Variants in SMYD3 observed in about 807,000 individuals in gnomAD.
SMYD3 encodes SET and MYND domain containing 3.
In SMYD3, 36 loss-of-function variants were observed where a neutral mutation model predicts 57.7. That is an observed-to-expected ratio of 0.62 (90% confidence interval 0.48 to 0.82). SMYD3 has a LOEUF of 0.82. Among genes scored for constraint, SMYD3 ranks in the 40% least tolerant of loss-of-function variants. SMYD3 has a pLI of 0.00. For synonymous variants in SMYD3, 211 were observed against 195.0 expected, an observed-to-expected ratio of 1.08 and a Z score of -0.68; for missense variants, 515 against 538.8, an observed-to-expected ratio of 0.96 and a Z score of 0.44.
intron 5 of SMYD3, among the ~76,000 whole-genome samples, chr1:246,141,294 A>G (rs974849363): frequency 1.3e-5 from 2 of 152,198 alleles, no homozygotes; most frequent in Non-Finnish European, 2.9e-5. Flanking sequence ...AGAACTGGAA[A>G]CTCTGCAAAA....
chr1:246,424,838 T>A (rs1449521541), intron 1 of SMYD3, among the ~76,000 whole-genome samples: 2 of 152,262 alleles, frequency 1.3e-5, no homozygotes, highest in Non-Finnish European at 2.9e-5. Context: ...GGAACCATTA[T>A]GTTTATCTTA....
chr1:245,997,727 C>T (rs1002384682), intron 5 of SMYD3, among the ~76,000 whole-genome samples: 1 of 152,160 alleles, frequency 6.6e-6, no homozygotes, highest in African/African-American at 2.4e-5. Context: ...CCTCCACCAC[C>T]ACCAGGGAAA....
At chr1:246,253,279 A>G (rs936810271) in intron 5 of SMYD3, among the ~76,000 whole-genome samples, 1 of 151,954 alleles carries the variant, frequency 6.6e-6, no homozygotes, top group Non-Finnish European at 1.5e-5. Flanking sequence ...CCTCCCTCCA[A>G]CCTCGAGCAG....
At chr1:246,462,853 A>C (rs1014619778) in intron 1 of SMYD3, among the ~76,000 whole-genome samples, 1 of 152,202 alleles carries the variant, frequency 6.6e-6, no homozygotes, top group Non-Finnish European at 1.5e-5. Flanking sequence ...CAAAGCAACA[A>C]AATACATTTT....
chr1:246,373,157 G>T (rs769282616), intron 1 of SMYD3, among the ~76,000 whole-genome samples: 5 of 151,790 alleles, frequency 3.3e-5, no homozygotes, highest in Admixed American at 6.6e-5. Context: ...TTCTTTAAAT[G>T]ATACGAATTG....
chr1:246,178,112 G>A (rs1254181360), intron 5 of SMYD3, among the ~76,000 whole-genome samples: 3 of 152,188 alleles, frequency 2.0e-5, no homozygotes, highest in Admixed American at 6.5e-5. Flanking sequence ...CTTCCAGAGT[G>A]TAGCAACAGT....
chr1:245,991,699 C>T (rs185115662), intron 5 of SMYD3, among the ~76,000 whole-genome samples: 332 of 152,328 alleles, frequency 2.2e-3, no homozygotes, highest in Admixed American at 8.2e-3. Context: ...CCAAGTGACC[C>T]GAGAGAGAGA....
chr1:246,106,164 A>C (rs1243815958), intron 5 of SMYD3, among the ~76,000 whole-genome samples: 1 of 152,124 alleles, frequency 6.6e-6, no homozygotes, highest in Non-Finnish European at 1.5e-5. Flanking sequence ...AAAATTAATA[A>C]ACCTCGGATG....
At chr1:245,817,137 A>C (rs1410091617) in intron 10 of SMYD3, among the ~76,000 whole-genome samples, 1 of 150,846 alleles carries the variant, frequency 6.6e-6, no homozygotes. Flanking sequence ...CTGCAGACTT[A>C]AGTGTCCCTG....
At chr1:245,918,940 T>G (rs1205830218) in intron 7 of SMYD3, among the ~76,000 whole-genome samples, 1 of 152,156 alleles carries the variant, frequency 6.6e-6, no homozygotes, top group Non-Finnish European at 1.5e-5. Flanking sequence ...AAAAATGTGC[T>G]TGACTAACCC....
intron 1 of SMYD3, among the ~76,000 whole-genome samples, chr1:246,421,546 C>T (rs528861972): frequency 3.3e-5 from 5 of 151,656 alleles, no homozygotes; most frequent in African/African-American, 1.2e-4. Context: ...GTCACAGAGC[C>T]CCCAGGTCTA....
At chr1:246,443,629 C>T (rs1435767709) in intron 1 of SMYD3, among the ~76,000 whole-genome samples, 3 of 152,154 alleles carry the variant, frequency 2.0e-5, no homozygotes, top group Admixed American at 6.5e-5. Flanking sequence ...GGAAGATGGG[C>T]ACAGGAACCT....
At chr1:246,217,652 T>G (rs1393748853) in intron 5 of SMYD3, among the ~76,000 whole-genome samples, 1 of 152,142 alleles carries the variant, frequency 6.6e-6, no homozygotes, top group East Asian at 1.9e-4. Flanking sequence ...GTAAATATGT[T>G]TAAGATGTTT....
chr1:246,101,050 A>G (rs2060999465), intron 5 of SMYD3, among the ~76,000 whole-genome samples: 1 of 128,452 alleles, frequency 7.8e-6, no homozygotes, highest in African/African-American at 2.9e-5. Context: ...CACTAGTAAT[A>G]TGTATTTTTA....
intron 10 of SMYD3, among the ~76,000 whole-genome samples, chr1:245,792,735 C>G (rs1349569899): frequency 2.0e-5 from 3 of 152,070 alleles, no homozygotes; most frequent in South Asian, 2.1e-4. Context: ...AACAGTAGCT[C>G]TAATCACAGT....
chr1:246,425,188 G>A (rs933907132), intron 1 of SMYD3, among the ~76,000 whole-genome samples: 1 of 151,998 alleles, frequency 6.6e-6, no homozygotes, highest in Non-Finnish European at 1.5e-5. Context: ...AGTGACCATG[G>A]GCAAAGCACA....
intron 5 of SMYD3, among the ~76,000 whole-genome samples, chr1:246,257,241 T>C (rs149510227): frequency 5.9e-5 from 9 of 152,310 alleles, no homozygotes; most frequent in African/African-American, 1.4e-4. Flanking sequence ...AGTGATCTAA[T>C]AGTGACAGTG....
intron 5 of SMYD3, among the ~76,000 whole-genome samples, chr1:246,229,742 G>A (rs2063383362): frequency 1.3e-5 from 2 of 152,184 alleles, no homozygotes; most frequent in Non-Finnish European, 2.9e-5. Flanking sequence ...ACCCATGAGG[G>A]TGGAACTCTC....
At chr1:246,091,152 T>C (rs549976322) in intron 5 of SMYD3, among the ~76,000 whole-genome samples, 3 of 152,182 alleles carry the variant, frequency 2.0e-5, no homozygotes, top group African/African-American at 7.2e-5. Flanking sequence ...GGGGAAAACA[T>C]GGAGAATCTC....
Sources: allele counts gnomAD v4.1 joint callset (sites outside exome capture counted in the v4.1 genomes callset), GRCh38; gene constraint gnomAD v4.1.1; transcripts MANE v1.5; gene names NCBI Gene and HGNC (gene_info 2026-07-23, HGNC 2026-07-21).